The following AXL variants were observed in gnomAD, a reference collection of about 807,000 sequenced individuals.
The protein encoded by AXL is AXL receptor tyrosine kinase.
AXL carries 52 observed loss-of-function variants against 104.5 expected under a neutral mutation model. The observed-to-expected ratio is 0.50, with a 90% CI of 0.40 to 0.63. AXL has a LOEUF of 0.63. Ranked by LOEUF, AXL falls within the 20% of genes least tolerant of loss-of-function variation. The pLI, the probability that AXL is intolerant of heterozygous loss-of-function variation, is 0.00. For synonymous variants in AXL, 455 were observed against 473.7 expected (o/e 0.96, Z 0.51); for missense variants, 1,024 against 1,188.5 (o/e 0.86, Z 2.04).
At chr19:41,230,512 CTGTG>C (rs1453546865) in intron 4 of AXL, among the ~76,000 whole-genome samples, 2 of 140,552 alleles carry the variant, frequency 1.4e-5, no homozygotes, top group Non-Finnish European at 3.1e-5. Flanking sequence ...CTGTGTGTGG[CTGTG>C]TGTCTTTGTG....
At chr19:41,228,961 T>TG (rs2033930054) in intron 4 of AXL, among the ~76,000 whole-genome samples, 1 of 151,816 alleles carries the variant, frequency 6.6e-6, no homozygotes, top group Non-Finnish European at 1.5e-5. Flanking sequence ...TCTTTCTTTT[T>TG]TTTTTGAGAC....
rs2034521528 is a variant in AXL, at chr19:41,260,411, A to G, written c.*507A>G. 1 of 151,046 alleles carries G rather than the reference A, an allele frequency of 6.6e-6. No homozygotes were observed. Among genetic ancestry groups the G allele is most frequent in the Admixed American group, 7.7e-5 (1 of 13,000 alleles). 9.4% of individuals were successfully genotyped at this position (151,046 alleles called of 1,614,324 possible). ...ACTGCAACCTTCACCTACCGAGTTC[A>G]AGTGATTTTCCTGCCTTGGCCTCCC... On this transcript the variant is annotated 3_prime_UTR_variant, in exon 20 of 20. Transcript: ENST00000301178.
chr19:41,238,425 A>G (rs770495802), intron 7 of AXL, 45 bp from the exon 8 acceptor site: 1 of 1,591,930 alleles, frequency 6.3e-7, no homozygotes, highest in South Asian at 1.1e-5. Context: ...GGAGGGGGTC[A>G]GGAAGAGGTG....
rs75865513 is a variant in AXL, at chr19:41,245,007, T to C, written c.1537+1300T>C. ...GTGCAGTGGCTTGATCTTGGCTCAC[T>C]GCAACCTCCGCCTCCTGGATTCAAG... On this transcript the variant is annotated intron_variant, in intron 12 of 19. Transcript: ENST00000301178. 5.5e-3 allele frequency among the ~76,000 whole-genome samples: 838 copies of C among 152,044 alleles called. 18 individuals are homozygous for C. The East Asian group carries it at 0.063, about 11-fold the overall frequency.
At chr19:41,230,821 C>G (rs912566310) in intron 4 of AXL, 146 bp from the exon 5 acceptor site, 2 of 811,662 alleles carry the variant, frequency 2.5e-6, no homozygotes, top group Non-Finnish European at 4.1e-6. Flanking sequence ...TTGCCCTCAA[C>G]TCTGCTAACC....
chr19:41,244,932 C>G (rs562486353), intron 12 of AXL, among the ~76,000 whole-genome samples: 1 of 134,364 alleles, frequency 7.4e-6, no homozygotes, highest in African/African-American at 3.2e-5. Context: ...GAAGTCTATA[C>G]TATTTTTTTT....
At chr19:41,230,584 CTG>C (rs1254459521) in intron 4 of AXL, among the ~76,000 whole-genome samples, 1 of 142,968 alleles carries the variant, frequency 7.0e-6, no homozygotes, top group Admixed American at 7.0e-5. Flanking sequence ...CTGTGTGTGG[CTG>C]TGTGTGTCTT....
rs895521404 is a variant in AXL, at chr19:41,220,426, A to T, written c.86-210A>T. 6 of 546,536 alleles carry T rather than the reference A, an allele frequency of 1.1e-5. No homozygotes were observed. In the African/African-American group the frequency reaches 1.1e-4, roughly 10 times the overall value. 33.9% of individuals were successfully genotyped at this position (546,536 alleles called of 1,614,324 possible). On this transcript the variant is annotated intron_variant, in intron 1 of 19. Transcript: ENST00000301178. ...GATCCCGAGCCTCCTTCCCGACGGGATGGACGCTAGATCCCAGTCCCTTGG... is the reference window on the plus strand; with the variant it reads ...GATCCCGAGCCTCCTTCCCGACGGGTTGGACGCTAGATCCCAGTCCCTTGG...
intron 12 of AXL, 155 bp downstream of exon 12, chr19:41,243,862 T>C (rs975562138): frequency 1.5e-5 from 9 of 619,906 alleles, no homozygotes; most frequent in African/African-American, 3.7e-5. Context: ...AACAGATTTG[T>C]GGAACCACAA....
At chr19:41,225,304 G>A (rs750860219) in intron 4 of AXL, among the ~76,000 whole-genome samples, 17 of 152,154 alleles carry the variant, frequency 1.1e-4, no homozygotes, top group Non-Finnish European at 2.2e-4. Flanking sequence ...CGCACCCAGC[G>A]CAAATGTGTT....
chr19:41,220,462 G>T, intron 1 of AXL, 174 bp from the exon 2 acceptor site: 2 of 604,108 alleles, frequency 3.3e-6, no homozygotes, highest in Non-Finnish European at 5.9e-6. Context: ...GAGGGCTCCC[G>T]TCCTCCTCTC....
chr19:41,222,953 T>C (rs939642467), intron 4 of AXL, among the ~76,000 whole-genome samples: 1 of 142,574 alleles, frequency 7.0e-6, no homozygotes, highest in African/African-American at 2.6e-5. Flanking sequence ...AGAGATAGAA[T>C]GACATACACT....
chr19:41,238,632 G>T (rs558124651), intron 8 of AXL, 23 bp downstream of exon 8: 2 of 1,595,070 alleles, frequency 1.3e-6, no homozygotes, highest in East Asian at 4.5e-5. Context: ...GGTGGGATTG[G>T]AGTGGAGTGG....
chr19:41,256,683 T>C, intron 18 of AXL, 72 bp downstream of exon 18: 1 of 1,574,930 alleles, frequency 6.3e-7, no homozygotes, highest in Non-Finnish European at 8.7e-7. Context: ...TATGCCTGGG[T>C]GGCTGTGGAT....
chr19:41,240,089 G>C (rs1252387997), intron 10 of AXL, among the ~76,000 whole-genome samples: 1 of 152,022 alleles, frequency 6.6e-6, no homozygotes, highest in African/African-American at 2.4e-5. Context: ...ATGGGTGGAT[G>C]GATGGATGGG....
At position 41,221,257 on chromosome 19, in the gene AXL, G is replaced by A. The variant is rs1252345873; in HGVS notation, c.409+11G>A. ...ATGTTGGGCTGGAGGGTGAGCTCTG[G>A]GGTCAGGGGTCCTGAGGGGTCAGAG... On this transcript the variant is annotated intron_variant, in intron 3 of 19. Coordinates refer to ENST00000301178, the MANE Select transcript of AXL (RefSeq NM_021913.5). The A allele has an allele frequency of 6.2e-7, 1 of 1,611,460 alleles. No individual in the cohort carries two copies.
intron 4 of AXL, among the ~76,000 whole-genome samples, chr19:41,227,462 GC>G (rs1194760683): frequency 3.4e-5 from 5 of 149,226 alleles, no homozygotes; most frequent in African/African-American, 1.2e-4. Flanking sequence ...CCGAATTGCA[GC>G]CATCACTATT....
At chr19:41,222,150 G>A in intron 4 of AXL, 94 bp downstream of exon 4, 1 of 1,315,090 alleles carries the variant, frequency 7.6e-7, no homozygotes, top group Non-Finnish European at 1.0e-6. Flanking sequence ...GTGAGTGTCT[G>A]ACTGTCCTTC....
intron 14 of AXL, among the ~76,000 whole-genome samples, chr19:41,251,263 C>T (rs192170436): frequency 6.2e-4 from 95 of 152,130 alleles, no homozygotes; most frequent in African/African-American, 2.2e-3. Context: ...CATAGCAAGA[C>T]TCCCTCTCAA....
Sources: gnomAD v4.1 joint callset for allele counts (sites outside exome capture counted in the v4.1 genomes callset) on GRCh38, gnomAD v4.1.1 for gene constraint, MANE v1.5 for transcripts, NCBI Gene and HGNC (gene_info 2026-07-23, HGNC 2026-07-21) for gene names.